The following IGSF5 variants were observed in gnomAD, a reference collection of about 807,000 sequenced individuals.
IGSF5 encodes the protein immunoglobulin superfamily member 5, also known as immunoglobulin superfamily 5 like.
Under a neutral mutation model 39.4 loss-of-function variants are expected in IGSF5, and 41 were observed. The observed-to-expected ratio is 1.04, with a 90% CI of 0.81 to 1.35. The LOEUF is 1.35. Among genes scored for constraint, IGSF5 ranks in the 40% most tolerant of loss-of-function variants. The probability of loss-of-function intolerance (pLI) is 0.00; values close to 1 mark genes in which losing one functional copy is unlikely to be tolerated. For synonymous variants in IGSF5, 183 were observed against 175.3 expected (o/e 1.04, Z -0.34); for missense variants, 487 against 494.6 (o/e 0.98, Z 0.15).
intron 2 of IGSF5, 96 bp from the exon 3 acceptor site, chr21:39,765,439 G>T: frequency 2.6e-6 from 3 of 1,136,638 alleles, no homozygotes; most frequent in Non-Finnish European, 3.8e-6. Context: ...TGGACAACCT[G>T]GGGGTTACCA....
intron 3 of IGSF5, among the ~76,000 whole-genome samples, chr21:39,769,197 C>T (rs776404662): frequency 7.9e-5 from 12 of 152,142 alleles, no homozygotes; most frequent in Non-Finnish European, 1.2e-4. Flanking sequence ...AAACCTCAGC[C>T]GGGAATGGTG....
chr21:39,731,020 C>T, the IGSF5 span, among the ~76,000 whole-genome samples: 2 of 152,192 alleles, frequency 1.3e-5, no homozygotes, highest in Non-Finnish European at 2.9e-5. Context: ...ACCAGAGTGT[C>T]CTGACAAGGT....
intron 4 of IGSF5, among the ~76,000 whole-genome samples, chr21:39,775,307 C>T (rs55781625): frequency 0.37 from 56,252 of 151,980 alleles, 10,892 homozygotes; most frequent in Non-Finnish European, 0.42. Context: ...AGTTTTAGAA[C>T]GGTCCTTGCT....
At chr21:39,795,214 C>T (rs1220067942) in intron 8 of IGSF5, among the ~76,000 whole-genome samples, 1 of 152,104 alleles carries the variant, frequency 6.6e-6, no homozygotes, top group Non-Finnish European at 1.5e-5. Flanking sequence ...TCTTTTGATG[C>T]ATTTAATTTG....
upstream of IGSF5, among the ~76,000 whole-genome samples, chr21:39,742,110 T>C (rs2079951069): frequency 6.6e-6 from 1 of 151,796 alleles, no homozygotes; most frequent in Admixed American, 6.6e-5. Flanking sequence ...TGCTTGTCCA[T>C]ATTGTCCTTC....
At position 39,771,158 on chromosome 21, in the gene IGSF5, A is replaced by G; in HGVS notation, c.661A>G (p.Ser221Gly). The G allele has an allele frequency of 6.2e-7, 1 of 1,605,462 alleles. No homozygotes were observed. Among genetic ancestry groups the G allele is most frequent in the Non-Finnish European group, 8.5e-7 (1 of 1,174,994 alleles). ...GTLTCVATWK[S>G]LKARKSATVN... ...TTTGACTTGCGTGGCTACCTGGAAG[A>G]GCCTGAAGGCCCGCAAGTCTGCAAC... Residue 221 changes from serine (S) to glycine (G), a missense_variant, in exon 4 of 9, where the codon AGC becomes GGC. Coordinates refer to ENST00000380588, the MANE Select transcript of IGSF5 (RefSeq NM_001080444.2).
At chr21:39,777,300 C>T (rs1398610455) in intron 4 of IGSF5, among the ~76,000 whole-genome samples, 3 of 152,132 alleles carry the variant, frequency 2.0e-5, no homozygotes, top group Admixed American at 1.3e-4. Flanking sequence ...TACATTGTGG[C>T]TGCGTACAAG....
intron 2 of IGSF5, among the ~76,000 whole-genome samples, chr21:39,750,033 G>A (rs1256231264): frequency 6.6e-6 from 1 of 152,180 alleles, no homozygotes; most frequent in Non-Finnish European, 1.5e-5. Flanking sequence ...TTTTTCTCAT[G>A]GGCAAATTGT....
intron 2 of IGSF5, among the ~76,000 whole-genome samples, chr21:39,756,489 A>G (rs1342339000): frequency 6.6e-6 from 1 of 152,216 alleles, no homozygotes; most frequent in Admixed American, 6.5e-5. Flanking sequence ...TCAGCACATT[A>G]TAAAGTCTCT....
chr21:39,791,669 T>C (rs1037884185), intron 6 of IGSF5: 2 of 213,320 alleles, frequency 9.4e-6, no homozygotes, highest in Non-Finnish European at 1.9e-5. Context: ...TGAAACTTTA[T>C]TTACAAAAAC....
chr21:39,721,274 T>A, the IGSF5 span, among the ~76,000 whole-genome samples: 2 of 152,160 alleles, frequency 1.3e-5, no homozygotes, highest in Middle Eastern at 6.8e-3. Context: ...CCCGGTAAAG[T>A]GAGTATAATA....
At chr21:39,799,105 C>A (rs2087014032) in intron 8 of IGSF5, among the ~76,000 whole-genome samples, 1 of 152,166 alleles carries the variant, frequency 6.6e-6, no homozygotes, top group African/African-American at 2.4e-5. Context: ...CCCCAGGCTG[C>A]CTGGAGCTCC....
At chr21:39,717,793 C>G in the IGSF5 span, among the ~76,000 whole-genome samples, 1 of 152,046 alleles carries the variant, frequency 6.6e-6, no homozygotes, top group Non-Finnish European at 1.5e-5. Context: ...CAGATTTGTT[C>G]TTTTTGCTTA....
chr21:39,744,112 T>A (rs1170791187), upstream of IGSF5, among the ~76,000 whole-genome samples: 1 of 152,114 alleles, frequency 6.6e-6, no homozygotes, highest in Non-Finnish European at 1.5e-5. Flanking sequence ...GCTTATCGGA[T>A]TAGTTACACT....
the IGSF5 span, among the ~76,000 whole-genome samples, chr21:39,730,969 C>A: frequency 6.6e-6 from 1 of 152,180 alleles, no homozygotes; most frequent in Admixed American, 6.5e-5. Flanking sequence ...TTTTAAAGGC[C>A]TCTCGCCTAT....
intron 4 of IGSF5, among the ~76,000 whole-genome samples, chr21:39,771,959 C>T (rs2080117028): frequency 6.6e-6 from 1 of 152,208 alleles, no homozygotes; most frequent in Non-Finnish European, 1.5e-5. Context: ...GCCAAAGTGG[C>T]AGAGCTGGGC....
At position 39,765,646 on chromosome 21, in the gene IGSF5, G is replaced by T. The variant is rs768497439; in HGVS notation, c.212G>T (p.Trp71Leu). The T allele has an allele frequency of 6.2e-7, 1 of 1,614,088 alleles. No homozygotes were observed. The highest frequency in any genetic ancestry group is 2.2e-5 in the East Asian group (1 of 44,856). The change falls in exon 3 of 9, where the codon TGG becomes TTG. Residue 71 changes from tryptophan (W) to leucine (L), a missense_variant. Coordinates refer to ENST00000380588, the MANE Select transcript of IGSF5 (RefSeq NM_001080444.2). The stretch of plus-strand genomic sequence containing the variant: ...TCCCAGGGCTGGAAGCTCATCATGT[G>T]GGCTCTCAGTGACATGGTGGTGCTA... ...TVSQGWKLIM[W>L]ALSDMVVLSV... is the part of the protein sequence containing the mutation.
At chr21:39,773,998 A>T (rs1002521772) in intron 4 of IGSF5, among the ~76,000 whole-genome samples, 5 of 152,154 alleles carry the variant, frequency 3.3e-5, no homozygotes, top group Admixed American at 3.3e-4. Context: ...GGTTAAATTC[A>T]CTGAATTCTT....
chr21:39,753,072 T>C (rs1372110355), intron 2 of IGSF5, among the ~76,000 whole-genome samples: 1 of 152,188 alleles, frequency 6.6e-6, no homozygotes. Flanking sequence ...TTGCCTAAGC[T>C]AATGTCCAGG....
Sources: gnomAD v4.1 joint callset for allele counts (sites outside exome capture counted in the v4.1 genomes callset) on GRCh38, gnomAD v4.1.1 for gene constraint, MANE v1.5 for transcripts, NCBI Gene and HGNC (gene_info 2026-07-23, HGNC 2026-07-21) for gene names.